N4BP1: variants seen among roughly 807,000 people sequenced by gnomAD.
N4BP1 encodes NEDD4 binding protein 1.
In N4BP1, 21 loss-of-function variants were observed where a neutral mutation model predicts 70.9. The ratio of observed to expected loss-of-function variants is 0.30; its 90% CI spans 0.21 to 0.43. N4BP1 has a LOEUF of 0.43. Among genes scored for constraint, N4BP1 ranks in the 20% least tolerant of loss-of-function variants. The pLI, the probability that N4BP1 is intolerant of heterozygous loss-of-function variation, is 1.00. For missense variants in N4BP1, 936 were observed against 1,069.4 expected (o/e 0.88, Z 1.74); for synonymous variants, 387 against 394.6 (o/e 0.98, Z 0.23).
rs1963936244 is a variant in N4BP1 at position 48,565,874 on chromosome 16, G to C, written c.199-3430C>G. ...GTCATGGCAGTTTGTGCCTTTTGAG[G>C]AATTGGTCCATTTCAACTAAGTCAT... On this transcript the variant is annotated intron_variant, in intron 1 of 6. Transcript: ENST00000262384. 3.9e-5 allele frequency among the ~76,000 whole-genome samples: 6 copies of C among 152,278 alleles called. No homozygotes were observed. The South Asian group carries it at 1.2e-3, about 32-fold the overall frequency.
At chr16:48,582,506 A>C (rs1358484175) in intron 1 of N4BP1, among the ~76,000 whole-genome samples, 1 of 152,198 alleles carries the variant, frequency 6.6e-6, no homozygotes, top group African/African-American at 2.4e-5. Context: ...AACGTTGGCA[A>C]TTTGGACACG....
At chr16:48,588,250 T>TA (rs975507895) in intron 1 of N4BP1, among the ~76,000 whole-genome samples, 73 of 149,254 alleles carry the variant, frequency 4.9e-4, no homozygotes, top group African/African-American at 1.7e-3. Context: ...GAAAATAAGG[T>TA]AAAAAAAATG....
chr16:48,551,118 T>A (rs1963659570), intron 4 of N4BP1, among the ~76,000 whole-genome samples: 2 of 152,258 alleles, frequency 1.3e-5, no homozygotes, highest in South Asian at 4.1e-4. Context: ...AAGACAAACA[T>A]TACTTTTAGC....
At chr16:48,565,410 A>G (rs1472063895) in intron 1 of N4BP1, among the ~76,000 whole-genome samples, 4 of 152,206 alleles carry the variant, frequency 2.6e-5, no homozygotes, top group African/African-American at 9.6e-5. Flanking sequence ...TAATCCTGTG[A>G]TTATTTTTCT....
Position 48,609,957 on chromosome 16 carries a change from C to G in N4BP1, c.16G>C (p.Val6Leu). The change falls in exon 1 of 7, where the codon GTG (valine) becomes CTG (leucine). Residue 6 changes from valine to leucine, a missense_variant. Physicochemically the swap from Val to Leu is conservative, Grantham distance 32. Transcript: ENST00000262384. MAARAVLDEFTAPAEK... is the reference protein window; with the variant it reads MAARALLDEFTAPAEK... The stretch of plus-strand genomic sequence containing the variant: ...GCTGGCGCAGTGAACTCGTCCAGCA[C>G]CGCCCGGGCCGCCATGGCGGGCGCG... The G allele has an allele frequency of 8.0e-7, 1 of 1,248,860 alleles. No homozygotes were observed. The highest frequency in any genetic ancestry group is 1.0e-6 in the Non-Finnish European group (1 of 993,750). 77.4% of individuals were successfully genotyped at this position (1,248,860 alleles called of 1,614,324 possible). A position where few individuals can be genotyped will look rare whatever the true frequency, so the allele number is the denominator to read the frequency against.
At chr16:48,547,604 C>G (rs113385890) in intron 5 of N4BP1, among the ~76,000 whole-genome samples, 3 of 152,380 alleles carry the variant, frequency 2.0e-5, no homozygotes, top group African/African-American at 7.2e-5. Flanking sequence ...AGTCAGCACA[C>G]ATTGCTTTCG....
chr16:48,585,541 C>CTT (rs35508080), intron 1 of N4BP1, among the ~76,000 whole-genome samples: 4 of 140,990 alleles, frequency 2.8e-5, no homozygotes, highest in African/African-American at 2.6e-5. Flanking sequence ...TAGTAACGAA[C>CTT]TTTTTTTTTT....
chr16:48,597,205 T>C (rs929030969), intron 1 of N4BP1, among the ~76,000 whole-genome samples: 4 of 152,302 alleles, frequency 2.6e-5, no homozygotes, highest in South Asian at 2.1e-4. Flanking sequence ...TCTTTCTCCA[T>C]TGCAATTCCC....
At position 48,551,373 on chromosome 16, in the gene N4BP1, T is replaced by C. The variant is rs772718145; in HGVS notation, c.2117+13A>G. On this transcript the variant is annotated intron_variant, in intron 4 of 6. Coordinates refer to ENST00000262384, the MANE Select transcript of N4BP1 (RefSeq NM_153029.4). ...CCCACTCCAACCTTAGGAAGGAGAA[T>C]GGCCTTTCATACCTGTCATCATGAG... The C allele has an allele frequency of 6.2e-7, 1 of 1,608,754 alleles. No homozygotes were observed. Among genetic ancestry groups the C allele is most frequent in the South Asian group, 1.1e-5 (1 of 90,918 alleles).
At chr16:48,595,542 A>G (rs1292939378) in intron 1 of N4BP1, among the ~76,000 whole-genome samples, 1 of 151,594 alleles carries the variant, frequency 6.6e-6, no homozygotes, top group African/African-American at 2.4e-5. Flanking sequence ...ACATTCTTGT[A>G]AACAAAATTT....
intron 2 of N4BP1, among the ~76,000 whole-genome samples, chr16:48,558,607 C>A (rs1471786154): frequency 1.3e-5 from 2 of 152,182 alleles, no homozygotes; most frequent in Non-Finnish European, 2.9e-5. Context: ...CTACGTTAAC[C>A]TTGCATTTCT....
At chr16:48,552,217 C>A (rs114313722) in intron 3 of N4BP1, among the ~76,000 whole-genome samples, 2,538 of 152,158 alleles carry the variant, frequency 0.017, 75 homozygotes, top group African/African-American at 0.058. Context: ...TCAAAGGTGT[C>A]CATACAAATA....
intron 1 of N4BP1, among the ~76,000 whole-genome samples, chr16:48,579,601 G>C (rs939268832): frequency 6.6e-6 from 1 of 151,288 alleles, no homozygotes; most frequent in South Asian, 2.1e-4. Context: ...TGCTCTGTAA[G>C]ATATTAGCCA....
In N4BP1 at chr16:48,561,167, A is replaced by C; in HGVS notation, c.1476T>G (p.Leu492=). ...ICNTDPETDG[L]SPSVASPSPK... ...GACTTGGAGAGGCAACAGAAGGTGA[A>C]AGGCCATCAGTTTCAGGGTCTGTGT... is the stretch of plus-strand genomic sequence containing the variant. Residue 492 remains leucine, a synonymous_variant, in exon 2 of 7, where the codon CTT becomes CTG. Transcript: ENST00000262384. The C allele has an allele frequency of 6.2e-7, 1 of 1,614,022 alleles. No homozygotes were observed. The highest frequency in any genetic ancestry group is 1.3e-5 in the African/African-American group (1 of 75,056).
At chr16:48,552,699 GAAAAAAAAAAAAAAAAAAAAAAAAA>G (rs71134556) in intron 3 of N4BP1, among the ~76,000 whole-genome samples, 867 of 18,512 alleles carry the variant, frequency 0.047, 19 homozygotes, top group Middle Eastern at 0.23. Context: ...CTCCGTCTCA[GAAAAAAAAAAAAAAAAAAAAAAAAA>G]AAAAAAAAAA....
chr16:48,597,464 C>T (rs963787853), intron 1 of N4BP1, among the ~76,000 whole-genome samples: 2 of 152,194 alleles, frequency 1.3e-5, no homozygotes, highest in African/African-American at 4.8e-5. Context: ...AAATTTGCAT[C>T]CCTATTTTCC....
At chr16:48,556,518 A>T (rs2151087886) in intron 2 of N4BP1, among the ~76,000 whole-genome samples, 1 of 152,354 alleles carries the variant, frequency 6.6e-6, no homozygotes, top group Non-Finnish European at 1.5e-5. Context: ...TGGGGCTCCC[A>T]GTTCCAAATG....
chr16:48,551,510 T>C (rs757436103), intron 3 of N4BP1, 28 bp from the exon 4 acceptor site: 12 of 1,487,310 alleles, frequency 8.1e-6, no homozygotes, highest in African/African-American at 1.4e-5. Context: ...TGAATATACA[T>C]TCAGAAAAGG....
chr16:48,578,076 C>T (rs1343734950), intron 1 of N4BP1: 2 of 157,366 alleles, frequency 1.3e-5, no homozygotes, highest in African/African-American at 2.4e-5. Context: ...TTGGCATAAT[C>T]TTCAAAACCT....
Sources: allele counts gnomAD v4.1 joint callset (sites outside exome capture counted in the v4.1 genomes callset), GRCh38; gene constraint gnomAD v4.1.1; transcripts MANE v1.5; gene names NCBI Gene and HGNC (gene_info 2026-07-23, HGNC 2026-07-21).